The following STRAP variants were observed in gnomAD, a reference collection of about 807,000 sequenced individuals.
The protein encoded by STRAP is serine-threonine kinase receptor-associated protein.
Under a neutral mutation model 47.0 loss-of-function variants are expected in STRAP, and 16 were observed. The ratio of observed to expected loss-of-function variants is 0.34; its 90% CI spans 0.23 to 0.52. The LOEUF is 0.52. Ranked by LOEUF, STRAP falls within the 20% of genes least tolerant of loss-of-function variation. The probability of loss-of-function intolerance (pLI) is 0.96; values close to 1 mark genes in which losing one functional copy is unlikely to be tolerated. For missense variants in STRAP, 293 were observed against 420.0 expected, an observed-to-expected ratio of 0.70 and a Z score of 2.64; for synonymous variants, 130 against 142.7, an observed-to-expected ratio of 0.91 and a Z score of 0.63.
At chr12:15,883,026 C>G in intron 1 of STRAP, 5 of 1,525,696 alleles carry the variant, frequency 3.3e-6, no homozygotes. Flanking sequence ...TTTGTAGAAA[C>G]TATTACCTCC....
chr12:15,884,550 A>T (rs1947952815), intron 2 of STRAP, among the ~76,000 whole-genome samples: 1 of 150,612 alleles, frequency 6.6e-6, no homozygotes, highest in Non-Finnish European at 1.5e-5. Context: ...TATATTTTAT[A>T]CTTTTTACTA....
intron 2 of STRAP, among the ~76,000 whole-genome samples, chr12:15,886,294 G>T (rs1184006877): frequency 6.6e-6 from 1 of 151,728 alleles, no homozygotes; most frequent in Non-Finnish European, 1.5e-5. Context: ...GTCTCAAGCA[G>T]TTCTCCAACC....
At chr12:15,901,056 TA>T (rs1226552225) in intron 9 of STRAP, 44 bp downstream of exon 9, 5 of 1,438,796 alleles carry the variant, frequency 3.5e-6, no homozygotes, top group Non-Finnish European at 4.6e-6. Flanking sequence ...TTGGGGGATT[TA>T]AAATTGAACT....
At position 15,903,042 on chromosome 12, in the gene STRAP, G is replaced by C. The variant is rs1337699732; in HGVS notation, c.*64G>C. On this transcript the variant is annotated 3_prime_UTR_variant, in exon 10 of 10. Coordinates refer to ENST00000419869, the MANE Select transcript of STRAP (RefSeq NM_007178.4). ...AACAAGCAAGCAGAGAAAAGCATCA[G>C]CCTTCCAGAGTTACTGTCTGCTTAA... The C allele has an allele frequency of 7.0e-7, 1 of 1,437,156 alleles. No individual in the cohort carries two copies. The highest frequency in any genetic ancestry group is 1.4e-5 in the African/African-American group (1 of 69,162). The allele number at this position is 1,437,156 out of a possible 1,614,324, so 89.0% of individuals were successfully genotyped here. A position where few individuals can be genotyped will look rare whatever the true frequency, so the allele number is the denominator to read the frequency against.
rs566476345 is a variant in STRAP at position 15,894,178 on chromosome 12, G to C, written c.500+35G>C. 6.4e-7 allele frequency: 1 copy of C among 1,554,574 alleles called. No individual in the cohort carries two copies. The highest frequency in any genetic ancestry group is 1.1e-5 in the South Asian group (1 of 89,706). Reference sequence around the variant, plus strand: ...TTTTCTTTAATAATTTACAATTTAAGGCCGGGCATGGTGGCTCACGCCTAT... The same window carrying C: ...TTTTCTTTAATAATTTACAATTTAACGCCGGGCATGGTGGCTCACGCCTAT... On this transcript the variant is annotated intron_variant, in intron 5 of 9. Coordinates refer to ENST00000419869, the MANE Select transcript of STRAP (RefSeq NM_007178.4). This position sits in a 1 kb window ranked among gnomAD's most constrained non-coding sequence, Gnocchi z 4.9.
At position 15,896,067 on chromosome 12, in the gene STRAP, AT is replaced by A. The variant is rs1282124724; in HGVS notation, c.638+572del. On this transcript the variant is annotated intron_variant, in intron 6 of 9. Transcript: ENST00000419869. This position sits in a 1 kb window ranked among gnomAD's most constrained non-coding sequence, Gnocchi z 4.1. ...GTGAAACCCCGTCTCTAAAATAAAAATACAAAGAGAAGAAAAATTAGCTGGG... is the reference window on the plus strand; with the variant it reads ...GTGAAACCCCGTCTCTAAAATAAAAAACAAAGAGAAGAAAAATTAGCTGGG... 6.6e-6 allele frequency among the ~76,000 whole-genome samples: 1 copy of A among 151,268 alleles called. No homozygotes were observed. Among genetic ancestry groups the A allele is most frequent in the African/African-American group, 2.4e-5 (1 of 41,076 alleles).
Position 15,894,198 on chromosome 12 carries a change from G to A in STRAP, c.500+55G>A, listed in dbSNP as rs750167608. 118 of 1,430,224 alleles carry A rather than the reference G, an allele frequency of 8.3e-5. No individual in the cohort carries two copies. Among genetic ancestry groups the A allele is most frequent in the Non-Finnish European group, 1.1e-4 (111 of 1,019,920 alleles). 88.6% of individuals were successfully genotyped at this position (1,430,224 alleles called of 1,614,324 possible). On this transcript the variant is annotated intron_variant, in intron 5 of 9. Transcript: ENST00000419869. This position sits in a 1 kb window ranked among gnomAD's most constrained non-coding sequence, Gnocchi z 4.9. The stretch of plus-strand genomic sequence containing the variant: ...TTTAAGGCCGGGCATGGTGGCTCAC[G>A]CCTATAATCTCAGCACTTTGGGAGG...
chr12:15,882,894 G>T, intron 1 of STRAP, 75 bp downstream of exon 1: 2 of 1,484,018 alleles, frequency 1.3e-6, no homozygotes. Flanking sequence ...ACGCTCCAGT[G>T]CCGAAGCGGT....
At chr12:15,895,827 C>T (rs1324901907) in intron 6 of STRAP, among the ~76,000 whole-genome samples, 1 of 140,994 alleles carries the variant, frequency 7.1e-6, no homozygotes, top group East Asian at 2.1e-4. Context: ...CTTGACACTG[C>T]ACTCCAGTCT....
chr12:15,884,769 T>C (rs1308193836), intron 2 of STRAP, among the ~76,000 whole-genome samples: 3 of 152,116 alleles, frequency 2.0e-5, no homozygotes, highest in Non-Finnish European at 4.4e-5. Flanking sequence ...TTTTTTATTT[T>C]TCTTTCTTCC....
chr12:15,893,105 G>A (rs1948030476), intron 4 of STRAP, among the ~76,000 whole-genome samples: 1 of 152,136 alleles, frequency 6.6e-6, no homozygotes, highest in Non-Finnish European at 1.5e-5. Context: ...GTCTGCTTTT[G>A]CCCCTAGAGA....
Position 15,894,007 on chromosome 12 carries a change from C to A in STRAP, c.404-40C>A. 1 of 1,413,502 alleles carries A rather than the reference C, an allele frequency of 7.1e-7. No individual in the cohort carries two copies. Among genetic ancestry groups the A allele is most frequent in the East Asian group, 2.3e-5 (1 of 43,782 alleles). 87.6% of individuals were successfully genotyped at this position (1,413,502 alleles called of 1,614,324 possible). ...TCCGATATTGTTCAGTTTAAAAAAT[C>A]ATATATTAACAAATGTACTTTAAAT... is the stretch of plus-strand genomic sequence containing the variant. On this transcript the variant is annotated intron_variant, in intron 4 of 9. Coordinates refer to ENST00000419869, the MANE Select transcript of STRAP (RefSeq NM_007178.4). The surrounding 1 kb of genome is among the most constrained non-coding windows in gnomAD (Gnocchi z 4.9).
At position 15,894,608 on chromosome 12, in the gene STRAP, A is replaced by C. The variant is rs1334321664; in HGVS notation, c.500+465A>C. ...TCTGGAGCTATCTATTTACTAATAC[A>C]GGTTGAGTATCCCTAACCTGAAAAT... On this transcript the variant is annotated intron_variant, in intron 5 of 9. Transcript: ENST00000419869. This position sits in a 1 kb window ranked among gnomAD's most constrained non-coding sequence, Gnocchi z 4.9. Among the ~76,000 whole-genome samples the C allele has an allele frequency of 6.6e-6, 1 of 152,216 alleles. No homozygotes were observed. The highest frequency in any genetic ancestry group is 2.4e-5 in the African/African-American group (1 of 41,462).
intron 4 of STRAP, among the ~76,000 whole-genome samples, chr12:15,891,260 G>A (rs1948012509): frequency 6.6e-6 from 1 of 152,184 alleles, no homozygotes; most frequent in South Asian, 2.1e-4. Flanking sequence ...GTGCAGAACA[G>A]TGTTACTATT....
At position 15,896,093 on chromosome 12, in the gene STRAP, G is replaced by A. The variant is rs923555602; in HGVS notation, c.638+597G>A. Among the ~76,000 whole-genome samples the A allele has an allele frequency of 1.3e-5, 2 of 151,942 alleles. No individual in the cohort carries two copies. Among genetic ancestry groups the A allele is most frequent in the Non-Finnish European group, 2.9e-5 (2 of 67,980 alleles). On this transcript the variant is annotated intron_variant, in intron 6 of 9. Coordinates refer to ENST00000419869, the MANE Select transcript of STRAP (RefSeq NM_007178.4). This position sits in a 1 kb window ranked among gnomAD's most constrained non-coding sequence, Gnocchi z 4.1. ...TACAAAGAGAAGAAAAATTAGCTGG[G>A]TGTGGTGGTGAGTACCTGTAATCCC...
At position 15,901,037 on chromosome 12, in the gene STRAP, G is replaced by C. The variant is rs773701592; in HGVS notation, c.991+25G>C. On this transcript the variant is annotated intron_variant, in intron 9 of 9. Coordinates refer to ENST00000419869, the MANE Select transcript of STRAP (RefSeq NM_007178.4). Reference sequence around the variant, plus strand: ...GGTAAATGCTATGGAATTGACTTTTGTAAGAGTCTTGGGGGATTTAAAATT... The same window carrying C: ...GGTAAATGCTATGGAATTGACTTTTCTAAGAGTCTTGGGGGATTTAAAATT... The C allele has an allele frequency of 1.2e-5, 18 of 1,560,050 alleles. No individual in the cohort carries two copies. In the East Asian group the frequency reaches 3.7e-4, roughly 32 times the overall value.
At chr12:15,888,182 A>G (rs1947986716) in intron 2 of STRAP, among the ~76,000 whole-genome samples, 1 of 152,258 alleles carries the variant, frequency 6.6e-6, no homozygotes, top group Non-Finnish European at 1.5e-5. Flanking sequence ...AGCATTTGAA[A>G]TGAGCCCTAA....
intron 2 of STRAP, among the ~76,000 whole-genome samples, chr12:15,884,561 C>T (rs1270927871): frequency 6.6e-6 from 1 of 150,518 alleles, no homozygotes; most frequent in African/African-American, 2.4e-5. Context: ...CTTTTTACTA[C>T]ATTTAAAAAT....
chr12:15,883,177 C>CCTTA (rs1947938712), intron 1 of STRAP: 1 of 1,505,922 alleles, frequency 6.6e-7, no homozygotes, highest in African/African-American at 1.4e-5. Context: ...CCGTGCAATA[C>CCTTA]CTTACAAAGA....
Sources: gnomAD v4.1 joint callset for allele counts (sites outside exome capture counted in the v4.1 genomes callset) on GRCh38, gnomAD v4.1.1 for gene constraint, Gnocchi (gnomAD v3.1) non-coding constraint, MANE v1.5 for transcripts, NCBI Gene and HGNC (gene_info 2026-07-23, HGNC 2026-07-21) for gene names.